The following AUTS2 variants were observed in gnomAD, a reference collection of about 807,000 sequenced individuals.
The protein encoded by AUTS2 is autism susceptibility gene 2 protein.
A neutral mutation model predicts 112.4 loss-of-function variants in AUTS2; 17 were observed. The observed-to-expected ratio is 0.15, with a 90% CI of 0.10 to 0.23. The LOEUF (loss-of-function observed/expected upper bound fraction) is 0.23, where lower values mean the gene tolerates loss of function less well. AUTS2 is among the 10% of genes least tolerant of loss of function. The pLI is 1.00. For missense variants in AUTS2, 1,510 were observed against 1,701.6 expected (o/e 0.89, Z 1.98); for synonymous variants, 751 against 702.7 (o/e 1.07, Z -1.09).
intron 2 of AUTS2, among the ~76,000 whole-genome samples, chr7:70,103,332 C>T (rs547090533): frequency 6.6e-6 from 1 of 152,290 alleles, no homozygotes; most frequent in African/African-American, 2.4e-5. Context: ...ACTTACTTAA[C>T]TCTAAATTAG....
At chr7:70,623,845 C>T (rs752415521) in intron 5 of AUTS2, among the ~76,000 whole-genome samples, 4 of 152,176 alleles carry the variant, frequency 2.6e-5, no homozygotes, top group East Asian at 1.9e-4. Flanking sequence ...CCAACCTTTA[C>T]GCACTGTCAG....
At chr7:70,175,195 G>A (rs1336148039) in intron 4 of AUTS2, among the ~76,000 whole-genome samples, 1 of 152,162 alleles carries the variant, frequency 6.6e-6, no homozygotes, top group Non-Finnish European at 1.5e-5. Flanking sequence ...CTTCAGTAGA[G>A]GAAATTGCTG....
intron 4 of AUTS2, among the ~76,000 whole-genome samples, chr7:70,409,380 T>C (rs1331190579): frequency 6.6e-6 from 1 of 152,178 alleles, no homozygotes; most frequent in East Asian, 1.9e-4. Context: ...TAATAACTCA[T>C]AGCAAATGTG....
At chr7:69,769,455 A>T (rs1279772673) in intron 1 of AUTS2, among the ~76,000 whole-genome samples, 1 of 152,200 alleles carries the variant, frequency 6.6e-6, no homozygotes, top group Non-Finnish European at 1.5e-5. Context: ...AGTGGGTTTC[A>T]TTTATAAATT....
At chr7:70,234,766 C>T (rs906365175) in intron 4 of AUTS2, among the ~76,000 whole-genome samples, 1 of 152,108 alleles carries the variant, frequency 6.6e-6, no homozygotes, top group Non-Finnish European at 1.5e-5. Context: ...CGTTGAATCC[C>T]GTGAATGGAA....
chr7:70,672,385 G>A (rs550208736), intron 5 of AUTS2, among the ~76,000 whole-genome samples: 31 of 152,226 alleles, frequency 2.0e-4, no homozygotes, highest in African/African-American at 6.3e-4. Flanking sequence ...ATTTTGTCAC[G>A]GAAGCCCAGT....
intron 2 of AUTS2, among the ~76,000 whole-genome samples, chr7:69,908,822 A>G (rs1238384425): frequency 6.6e-6 from 1 of 152,202 alleles, no homozygotes; most frequent in Non-Finnish European, 1.5e-5. Context: ...TGGAGAAGCA[A>G]TTAGCTACAT....
intron 4 of AUTS2, among the ~76,000 whole-genome samples, chr7:70,334,962 G>C (rs1203625257): frequency 6.6e-6 from 1 of 152,084 alleles, no homozygotes; most frequent in Non-Finnish European, 1.5e-5. Context: ...TAGCTCCTGG[G>C]CCAAGGTTCC....
At chr7:70,238,414 G>A (rs1812437083) in intron 4 of AUTS2, among the ~76,000 whole-genome samples, 1 of 152,302 alleles carries the variant, frequency 6.6e-6, no homozygotes, top group Non-Finnish European at 1.5e-5. Flanking sequence ...ACTGCCCTGT[G>A]CATCTGTCAT....
intron 5 of AUTS2, among the ~76,000 whole-genome samples, chr7:70,644,032 G>A (rs542465634): frequency 2.0e-5 from 3 of 152,304 alleles, no homozygotes; most frequent in African/African-American, 4.8e-5. Context: ...GTTCCTTGGT[G>A]ATGCTGAGGC....
At chr7:70,232,213 T>A (rs1812093252) in intron 4 of AUTS2, among the ~76,000 whole-genome samples, 1 of 152,236 alleles carries the variant, frequency 6.6e-6, no homozygotes, top group South Asian at 2.1e-4. Flanking sequence ...TTTAATTTTT[T>A]AATTGTTGTA....
intron 5 of AUTS2, among the ~76,000 whole-genome samples, chr7:70,662,843 A>G (rs114068748): frequency 0.015 from 2,210 of 152,254 alleles, 61 homozygotes; most frequent in African/African-American, 0.05. Context: ...CAGTCATTGC[A>G]GTTGGTTGTT....
chr7:69,794,119 A>G (rs967121587), intron 1 of AUTS2, among the ~76,000 whole-genome samples: 7 of 152,176 alleles, frequency 4.6e-5, no homozygotes, highest in Non-Finnish European at 8.8e-5. Context: ...TTCACCTCAT[A>G]TTAGGATGGA....
intron 5 of AUTS2, among the ~76,000 whole-genome samples, chr7:70,480,095 T>C (rs1489908782): frequency 3.3e-5 from 5 of 152,226 alleles, no homozygotes; most frequent in Non-Finnish European, 7.3e-5. Context: ...ACAGGCCAGA[T>C]TATCTTGGCA....
At chr7:70,600,891 T>C (rs1342804117) in intron 5 of AUTS2, among the ~76,000 whole-genome samples, 5 of 152,266 alleles carry the variant, frequency 3.3e-5, no homozygotes, top group African/African-American at 1.2e-4. Flanking sequence ...ATTCCATTAT[T>C]TAGACAGTAC....
chr7:69,971,191 TC>T (rs1029439169), intron 2 of AUTS2, among the ~76,000 whole-genome samples: 2 of 151,742 alleles, frequency 1.3e-5, no homozygotes, highest in African/African-American at 4.8e-5. Context: ...AAACCATTTT[TC>T]CCCCCTAAAT....
At chr7:69,895,802 C>T (rs1169086290) in intron 1 of AUTS2, among the ~76,000 whole-genome samples, 1 of 152,188 alleles carries the variant, frequency 6.6e-6, no homozygotes, top group African/African-American at 2.4e-5. Context: ...TTTCAATATA[C>T]TTTGGAAGCA....
chr7:70,092,805 C>T (rs1401943068), intron 2 of AUTS2, among the ~76,000 whole-genome samples: 3 of 152,164 alleles, frequency 2.0e-5, no homozygotes, highest in Non-Finnish European at 2.9e-5. Context: ...GCCTGCAGCT[C>T]TCCACCGCTT....
chr7:70,291,936 C>T lies in AUTS2; in HGVS notation c.661-143816C>T, dbSNP rs374924790. The T allele has an allele frequency of 2.6e-5, 4 of 152,212 alleles. No individual in the cohort carries two copies. The East Asian group carries it at 7.7e-4, about 29-fold the overall frequency. 9.4% of individuals were successfully genotyped at this position (152,212 alleles called of 1,614,324 possible). ...GAAGTATAAGCAAAACCGTCATTCACACTTTGAAGGTGCTGCTTTAGAGAG... is the reference window on the plus strand; with the variant it reads ...GAAGTATAAGCAAAACCGTCATTCATACTTTGAAGGTGCTGCTTTAGAGAG... On this transcript the variant is annotated intron_variant, in intron 4 of 18. Transcript: ENST00000342771.
Sources: gnomAD v4.1 joint callset for allele counts (sites outside exome capture counted in the v4.1 genomes callset) on GRCh38, gnomAD v4.1.1 for gene constraint, MANE v1.5 for transcripts, NCBI Gene and HGNC (gene_info 2026-07-23, HGNC 2026-07-21) for gene names.